Variants in HDAC9 observed in about 807,000 individuals in gnomAD.
The protein encoded by HDAC9 is histone deacetylase 9.
Under a neutral mutation model 139.4 loss-of-function variants are expected in HDAC9, and 41 were observed. The observed-to-expected ratio is 0.29, with a 90% confidence interval of 0.23 to 0.38. The LOEUF is 0.38. Among genes scored for constraint, HDAC9 ranks in the 10% least tolerant of loss-of-function variants. The pLI is 1.00. For missense variants in HDAC9, 1,147 were observed against 1,297.0 expected, an observed-to-expected ratio of 0.88 and a Z score of 1.78; for synonymous variants, 517 against 476.2, an observed-to-expected ratio of 1.09 and a Z score of -1.12.
chr7:18,813,358 A>G (rs78925287), intron 17 of HDAC9, among the ~76,000 whole-genome samples: 1,982 of 152,178 alleles, frequency 0.013, 40 homozygotes, highest in African/African-American at 0.046. Context: ...TTGGTTATCT[A>G]TTGTTACTTT....
At chr7:18,131,544 G>T (rs1013839927) in intron 1 of HDAC9, among the ~76,000 whole-genome samples, 1 of 152,144 alleles carries the variant, frequency 6.6e-6, no homozygotes, top group Non-Finnish European at 1.5e-5. Flanking sequence ...GATGCAGTAG[G>T]GGGTAGAGTG....
intron 6 of HDAC9, among the ~76,000 whole-genome samples, chr7:18,613,396 C>G (rs560355202): frequency 2.0e-5 from 3 of 152,016 alleles, no homozygotes; most frequent in Non-Finnish European, 4.4e-5. Context: ...GTTGTGGTCA[C>G]TCTGAGCACA....
intron 1 of HDAC9, among the ~76,000 whole-genome samples, chr7:18,313,504 A>G (rs1799448855): frequency 6.6e-6 from 1 of 152,214 alleles, no homozygotes; most frequent in Non-Finnish European, 1.5e-5. Context: ...CTTGCTCAGC[A>G]TTTAGTAAAG....
At chr7:18,882,658 A>G (rs1227622668) in intron 22 of HDAC9, among the ~76,000 whole-genome samples, 3 of 151,738 alleles carry the variant, frequency 2.0e-5, no homozygotes, top group Middle Eastern at 3.2e-3. Flanking sequence ...AAAAAAAAAA[A>G]GTGGGTGGGG....
intron 22 of HDAC9, among the ~76,000 whole-genome samples, chr7:18,935,103 T>C (rs1781532776): frequency 6.6e-6 from 1 of 152,120 alleles, no homozygotes; most frequent in Admixed American, 6.5e-5. Context: ...AATGGAATTA[T>C]AAACTCAGGA....
At chr7:18,368,558 GGA>G (rs985370916) in intron 1 of HDAC9, among the ~76,000 whole-genome samples, 1 of 85,014 alleles carries the variant, frequency 1.2e-5, no homozygotes, top group Admixed American at 1.2e-4. Flanking sequence ...TTATTTTCTG[GGA>G]AAAAAAACCC....
At chr7:18,653,978 A>C (rs936788096) in intron 11 of HDAC9, among the ~76,000 whole-genome samples, 1 of 152,096 alleles carries the variant, frequency 6.6e-6, no homozygotes, top group African/African-American at 2.4e-5. Context: ...CAAACATAGC[A>C]TGCATGCCTG....
intron 1 of HDAC9, among the ~76,000 whole-genome samples, chr7:18,151,428 T>G (rs1414060667): frequency 6.6e-6 from 1 of 152,238 alleles, no homozygotes; most frequent in Non-Finnish European, 1.5e-5. Flanking sequence ...GTGAGTTAGC[T>G]TAATCAAGTA....
chr7:18,390,096 G>C (rs1246573129), intron 1 of HDAC9, among the ~76,000 whole-genome samples: 1 of 69,726 alleles, frequency 1.4e-5, no homozygotes, highest in Non-Finnish European at 3.8e-5. Context: ...ACACACACAC[G>C]TCGTAGAGAA....
chr7:18,708,013 T>G, intron 12 of HDAC9, among the ~76,000 whole-genome samples: 1 of 152,078 alleles, frequency 6.6e-6, no homozygotes, highest in East Asian at 1.9e-4. Flanking sequence ...AGCACATCCC[T>G]AAGGGAGCAG....
chr7:18,325,516 G>A (rs1800369163), intron 1 of HDAC9: 1 of 151,886 alleles, frequency 6.6e-6, no homozygotes, highest in Non-Finnish European at 1.5e-5. Context: ...TTTAAGAAAT[G>A]AGGTCTTACT....
At chr7:18,450,416 G>C (rs1265988410) in intron 1 of HDAC9, among the ~76,000 whole-genome samples, 1 of 152,182 alleles carries the variant, frequency 6.6e-6, no homozygotes. Context: ...GCAAAGGGTA[G>C]ACAAGGTGTC....
chr7:18,646,062 CAA>C (rs1196613124), intron 9 of HDAC9, among the ~76,000 whole-genome samples: 8 of 151,348 alleles, frequency 5.3e-5, no homozygotes, highest in African/African-American at 1.9e-4. Context: ...AAATGAAAAA[CAA>C]AAAAAGGAAT....
intron 12 of HDAC9, among the ~76,000 whole-genome samples, chr7:18,700,457 C>T (rs1189720144): frequency 6.6e-6 from 1 of 152,188 alleles, no homozygotes; most frequent in Non-Finnish European, 1.5e-5. Flanking sequence ...TCAAGATACG[C>T]TTGGGAGTGG....
intron 19 of HDAC9, 88 bp from the exon 20 acceptor site, chr7:18,835,379 G>C (rs946384187): frequency 3.0e-6 from 4 of 1,354,316 alleles, no homozygotes; most frequent in Non-Finnish European, 3.0e-6. Flanking sequence ...GAAAGTGGTA[G>C]AAAGACAGGG....
At chr7:18,825,743 TA>T (rs1349156399) in intron 17 of HDAC9, among the ~76,000 whole-genome samples, 1 of 148,270 alleles carries the variant, frequency 6.7e-6, no homozygotes, top group East Asian at 1.9e-4. Flanking sequence ...TATGTAATTA[TA>T]AAAATATATA....
chr7:18,706,160 C>CCT (rs1783892263), intron 12 of HDAC9, among the ~76,000 whole-genome samples: 10 of 86,750 alleles, frequency 1.2e-4, no homozygotes, highest in Admixed American at 4.9e-4. Context: ...GAAAGTTTTC[C>CCT]TTTTTTTTTT....
chr7:18,969,839 C>T (rs1175820926), intron 24 of HDAC9, among the ~76,000 whole-genome samples: 1 of 152,086 alleles, frequency 6.6e-6, no homozygotes, highest in East Asian at 1.9e-4. Flanking sequence ...AACTTTTTGA[C>T]ATTTAACTTA....
At chr7:18,308,214 G>A (rs1312674153) in intron 1 of HDAC9, among the ~76,000 whole-genome samples, 1 of 152,110 alleles carries the variant, frequency 6.6e-6, no homozygotes, top group East Asian at 1.9e-4. Context: ...GTTGGTTTTA[G>A]CAATCTATAT....
Sources: gnomAD v4.1 joint callset for allele counts (sites outside exome capture counted in the v4.1 genomes callset) on GRCh38, gnomAD v4.1.1 for gene constraint, MANE v1.5 for transcripts, NCBI Gene and HGNC (gene_info 2026-07-23, HGNC 2026-07-21) for gene names.